The following CDH4 variants were observed in gnomAD, a reference collection of about 807,000 sequenced individuals.
CDH4 encodes cadherin 4.
In CDH4, 33 loss-of-function variants were observed where a neutral mutation model predicts 86.0. The observed-to-expected ratio is 0.38, with a 90% CI of 0.29 to 0.51. The LOEUF (loss-of-function observed/expected upper bound fraction) is 0.51. Among genes scored for constraint, CDH4 ranks in the 20% least tolerant of loss-of-function variants. The probability of loss-of-function intolerance (pLI) is 0.86; values close to 1 mark genes in which losing one functional copy is unlikely to be tolerated. For missense variants in CDH4, 1,114 were observed against 1,307.4 expected, an observed-to-expected ratio of 0.85 and a Z score of 2.28; for synonymous variants, 555 against 549.4, an observed-to-expected ratio of 1.01 and a Z score of -0.14.
chr20:61,445,139 C>T (rs1294517870), intron 2 of CDH4, among the ~76,000 whole-genome samples: 10 of 152,156 alleles, frequency 6.6e-5, no homozygotes, highest in Non-Finnish European at 1.0e-4. Flanking sequence ...CCCCCACTCC[C>T]TATTGCAAGA....
rs770841734 is a variant in CDH4, at chr20:61,924,467, G to A, written c.1762G>A (p.Ala588Thr). The change falls in exon 11 of 16, where the codon GCT (alanine) becomes ACT (threonine). Residue 588 changes from alanine (A) to threonine (T), a missense_variant. Coordinates refer to ENST00000614565, the MANE Select transcript of CDH4 (RefSeq NM_001794.5). ...NNVYEATFLA[A>T]DNGIPPASGT... Reference sequence around the variant, plus strand: ...CGTCTACGAGGCCACCTTCCTGGCAGCTGACAATGGTGCGGCCCACCCCAG... The same window carrying A: ...CGTCTACGAGGCCACCTTCCTGGCAACTGACAATGGTGCGGCCCACCCCAG... 7 of 1,613,200 alleles carry A rather than the reference G, an allele frequency of 4.3e-6. No homozygotes were observed. Among genetic ancestry groups the A allele is most frequent in the Middle Eastern group, 3.3e-4 (2 of 6,056 alleles).
chr20:61,900,538 G>T (rs1985346302), intron 8 of CDH4, among the ~76,000 whole-genome samples: 1 of 152,312 alleles, frequency 6.6e-6, no homozygotes, highest in East Asian at 1.9e-4. Context: ...CCACCCTGGG[G>T]CAGGGACCAA....
chr20:61,421,753 C>T (rs373008742), intron 2 of CDH4, among the ~76,000 whole-genome samples: 4 of 152,350 alleles, frequency 2.6e-5, no homozygotes, highest in East Asian at 3.9e-4. Flanking sequence ...AGGGGCAGGG[C>T]ATGTGCAGAA....
At chr20:61,736,009 G>A (rs929722993) in intron 2 of CDH4, among the ~76,000 whole-genome samples, 1 of 152,198 alleles carries the variant, frequency 6.6e-6, no homozygotes, top group Non-Finnish European at 1.5e-5. Flanking sequence ...GTGTCTGGGT[G>A]TGGCTTCCAC....
chr20:61,743,483 G>T, intron 2 of CDH4, 80 bp from the exon 3 acceptor site: 2 of 1,052,660 alleles, frequency 1.9e-6, no homozygotes, highest in Non-Finnish European at 2.9e-6. Context: ...GGCCTGTAGG[G>T]CGTCCTGCGT....
At chr20:61,600,782 A>C (rs985376853) in intron 2 of CDH4, among the ~76,000 whole-genome samples, 1 of 151,848 alleles carries the variant, frequency 6.6e-6, no homozygotes, top group Middle Eastern at 3.4e-3. Context: ...TCAAAGTGCT[A>C]TGTAAATAGT....
intron 7 of CDH4, among the ~76,000 whole-genome samples, chr20:61,883,772 C>T (rs1199634413): frequency 6.6e-6 from 1 of 152,230 alleles, no homozygotes; most frequent in Admixed American, 6.5e-5. Context: ...GGGACCTCCC[C>T]TGCCTGCCTC....
At chr20:61,533,363 T>G (rs4925252) in intron 2 of CDH4, among the ~76,000 whole-genome samples, 23,377 of 152,126 alleles carry the variant, frequency 0.15, 2,108 homozygotes, top group East Asian at 0.45. Flanking sequence ...GGGCCCCTGG[T>G]CAAGTGGGTG....
chr20:61,271,846 G>A (rs1215556618), intron 2 of CDH4, among the ~76,000 whole-genome samples: 1 of 152,138 alleles, frequency 6.6e-6, no homozygotes, highest in Non-Finnish European at 1.5e-5. Context: ...CCCTCAACGT[G>A]CCAAGATTCT....
chr20:61,633,649 G>A (rs929786037), intron 2 of CDH4, among the ~76,000 whole-genome samples: 1 of 152,216 alleles, frequency 6.6e-6, no homozygotes, highest in Admixed American at 6.5e-5. Context: ...GTTTCTGGCA[G>A]CAAGGGTGAG....
At chr20:61,395,504 G>T (rs2085011801) in intron 2 of CDH4, among the ~76,000 whole-genome samples, 1 of 152,108 alleles carries the variant, frequency 6.6e-6, no homozygotes, top group Non-Finnish European at 1.5e-5. Context: ...TACTAGCCAG[G>T]CATGGTGGTT....
rs921610953 is a variant in CDH4 at position 61,565,236 on chromosome 20, G to A, written c.170-178327G>A. 1.0e-4 allele frequency among the ~76,000 whole-genome samples: 6 copies of A among 57,308 alleles called. 1 individual carries two copies. The highest frequency in any genetic ancestry group is 2.2e-4 in the Non-Finnish European group (6 of 27,904). 37.6% of individuals were successfully genotyped at this position (57,308 alleles called of 152,430 possible). On this transcript the variant is annotated intron_variant, in intron 2 of 15. Transcript: ENST00000614565. ...CTCTCGGTGGTAGGTGGTGGTGGTG[G>A]TGGTGGCGGTGCTCTTGGTGATGGT...
At chr20:61,591,612 A>T (rs140885207) in intron 2 of CDH4, among the ~76,000 whole-genome samples, 10 of 152,344 alleles carry the variant, frequency 6.6e-5, no homozygotes, top group African/African-American at 2.4e-4. Context: ...AAAAGTCAAC[A>T]AGAGGCAGTT....
intron 2 of CDH4, among the ~76,000 whole-genome samples, chr20:61,261,970 G>A (rs1470006799): frequency 2.0e-5 from 3 of 152,192 alleles, no homozygotes; most frequent in South Asian, 2.1e-4. Flanking sequence ...TCCCAGAGCC[G>A]AGCTCTCTCT....
intron 2 of CDH4, among the ~76,000 whole-genome samples, chr20:61,437,998 G>T (rs117093576): frequency 9.4e-4 from 143 of 152,308 alleles, no homozygotes; most frequent in Middle Eastern, 3.4e-3. Flanking sequence ...ACTTCAGCAG[G>T]AAGACAGCCG....
At chr20:61,331,647 C>CCTCAGCCACCT (rs200730495) in intron 2 of CDH4, among the ~76,000 whole-genome samples, 3 of 37,932 alleles carry the variant, frequency 7.9e-5, no homozygotes, top group Non-Finnish European at 1.1e-4. Flanking sequence ...ACCCACCTCC[C>CCTCAGCCACCT]GCCCCAGCCA....
At chr20:61,538,239 G>A (rs918520342) in intron 2 of CDH4, among the ~76,000 whole-genome samples, 2 of 152,240 alleles carry the variant, frequency 1.3e-5, no homozygotes, top group Admixed American at 6.5e-5. Context: ...TTTGAGCAGC[G>A]TTTTCTAGGG....
chr20:61,662,558 G>C (rs2087270922), intron 2 of CDH4, among the ~76,000 whole-genome samples: 2 of 152,204 alleles, frequency 1.3e-5, no homozygotes, highest in African/African-American at 4.8e-5. Flanking sequence ...CGAGCACACA[G>C]AGGCCCCCTG....
At chr20:61,552,641 A>G (rs2086141558) in intron 2 of CDH4, among the ~76,000 whole-genome samples, 1 of 152,242 alleles carries the variant, frequency 6.6e-6, no homozygotes, top group Non-Finnish European at 1.5e-5. Context: ...TGGAGGTTGC[A>G]GTGAGCCAAG....
Sources: allele counts gnomAD v4.1 joint callset (sites outside exome capture counted in the v4.1 genomes callset), GRCh38; gene constraint gnomAD v4.1.1; transcripts MANE v1.5; gene names NCBI Gene and HGNC (gene_info 2026-07-23, HGNC 2026-07-21).